Variants in ARRB1 observed in about 807,000 individuals in gnomAD.
ARRB1 encodes arrestin beta 1.
ARRB1 carries 21 observed loss-of-function variants against 56.8 expected under a neutral mutation model. The ratio of observed to expected loss-of-function variants is 0.37; its 90% CI spans 0.26 to 0.53. The LOEUF (loss-of-function observed/expected upper bound fraction) is 0.53. ARRB1 is among the 20% of genes least tolerant of loss of function. The pLI, the probability that ARRB1 is intolerant of heterozygous loss-of-function variation, is 0.88. For synonymous variants in ARRB1, 210 were observed against 218.6 expected (o/e 0.96, Z 0.35); for missense variants, 424 against 553.7 (o/e 0.77, Z 2.35).
rs1946142759 is a variant in ARRB1 at position 75,274,269 on chromosome 11, G to A, written c.777-58C>T. ...CCTCCCCAGAGCCAACCCCAGCCCT[G>A]ATCTCCAGCCCAGCAGAATATCTAG... On this transcript the variant is annotated intron_variant, in intron 10 of 15. Coordinates refer to ENST00000420843, the MANE Select transcript of ARRB1 (RefSeq NM_004041.5). 1.9e-6 allele frequency: 3 copies of A among 1,595,984 alleles called. No individual in the cohort carries two copies. In the South Asian group the frequency reaches 3.4e-5, roughly 18 times the overall value.
intron 1 of ARRB1, among the ~76,000 whole-genome samples, chr11:75,342,757 T>G (rs1332315208): frequency 1.3e-5 from 2 of 152,106 alleles, no homozygotes; most frequent in African/African-American, 4.8e-5. Context: ...GGGGCACCTA[T>G]TTAGGAAGTA....
Position 75,277,421 on chromosome 11 carries a change from C to T in ARRB1, c.646G>A (p.Val216Ile), listed in dbSNP as rs183420061. 54 of 1,614,168 alleles carry T rather than the reference C, an allele frequency of 3.3e-5. No individual in the cohort carries two copies. The highest frequency in any genetic ancestry group is 2.0e-4 in the East Asian group (9 of 44,876). ...GTGTTGTTGGTGACGTGGACGTTGACGCTGATGGGTTCTCCATGGTAATAG... is the reference window on the plus strand; with the variant it reads ...GTGTTGTTGGTGACGTGGACGTTGATGCTGATGGGTTCTCCATGGTAATAG... ...EIYYHGEPIS[V>I]NVHVTNNTNK... is the part of the protein sequence containing the mutation. The change falls in exon 9 of 16, where the codon GTC (valine) becomes ATC (isoleucine). Residue 216 changes from valine (V) to isoleucine (I), a missense_variant. Val to Ile is a conservative substitution (Grantham distance 29, BLOSUM62 3). Transcript: ENST00000420843.
chr11:75,318,805 G>T (rs1248991342), intron 1 of ARRB1, among the ~76,000 whole-genome samples: 1 of 152,184 alleles, frequency 6.6e-6, no homozygotes, highest in Non-Finnish European at 1.5e-5. Context: ...AGGGGATGCT[G>T]ATCCTGTGGC....
intron 1 of ARRB1, among the ~76,000 whole-genome samples, chr11:75,329,791 G>C (rs1565142802): frequency 6.6e-6 from 1 of 152,094 alleles, no homozygotes; most frequent in African/African-American, 2.4e-5. Context: ...CCAAGAGTTT[G>C]AGACCAGCCT....
At chr11:75,343,956 C>T (rs1947730038) in intron 1 of ARRB1, among the ~76,000 whole-genome samples, 2 of 152,116 alleles carry the variant, frequency 1.3e-5, no homozygotes, top group Non-Finnish European at 2.9e-5. Flanking sequence ...GCTGGGACTA[C>T]AGGCGCCCGC....
At chr11:75,278,212 T>C (rs866993903) in intron 8 of ARRB1, among the ~76,000 whole-genome samples, 1 of 152,216 alleles carries the variant, frequency 6.6e-6, no homozygotes, top group Admixed American at 6.5e-5. Context: ...CCCTTCCTTC[T>C]GCAGGGCTTG....
intron 13 of ARRB1, 93 bp from the exon 14 acceptor site, chr11:75,269,052 G>C (rs996271708): frequency 5.1e-5 from 71 of 1,404,080 alleles, no homozygotes; most frequent in Non-Finnish European, 6.0e-5. Flanking sequence ...GACTGCAGAG[G>C]GTTTTGCCGT....
intron 1 of ARRB1, among the ~76,000 whole-genome samples, chr11:75,296,203 A>AAAAAGAGT (rs1462666969): frequency 1.8e-4 from 28 of 151,978 alleles, no homozygotes; most frequent in African/African-American, 5.6e-4. Flanking sequence ...AAAAAAAAAA[A>AAAAAGAGT]AAAAGAGTAT....
rs920509350 is a variant in ARRB1, at chr11:75,262,877, G to C, written c.*3286C>G. 6.6e-5 allele frequency among the ~76,000 whole-genome samples: 10 copies of C among 152,204 alleles called. No homozygotes were observed. The highest frequency in any genetic ancestry group is 2.4e-4 in the African/African-American group (10 of 41,438). On this transcript the variant is annotated 3_prime_UTR_variant, in exon 16 of 16. Coordinates refer to ENST00000420843, the MANE Select transcript of ARRB1 (RefSeq NM_004041.5). ...ACAGCCAGGTGAACCCACTCTAGCA[G>C]GTCTGAGCTTTGAGGCTGAGGAGAG...
At chr11:75,341,719 G>A (rs1947695411) in intron 1 of ARRB1, among the ~76,000 whole-genome samples, 1 of 152,178 alleles carries the variant, frequency 6.6e-6, no homozygotes, top group Admixed American at 6.5e-5. Flanking sequence ...CAGCCCTGGG[G>A]AGGGAGCCCT....
chr11:75,285,763 G>T (rs574086410), intron 3 of ARRB1, among the ~76,000 whole-genome samples: 1 of 152,274 alleles, frequency 6.6e-6, no homozygotes, highest in African/African-American at 2.4e-5. Flanking sequence ...AGCTCTCAGG[G>T]TGCCTGCGTG....
intron 1 of ARRB1, among the ~76,000 whole-genome samples, chr11:75,323,616 G>A (rs564472116): frequency 1.3e-5 from 2 of 152,128 alleles, no homozygotes; most frequent in African/African-American, 2.4e-5. Context: ...GCAAGACTCC[G>A]TCTCAAAACA....
At chr11:75,320,164 A>C (rs1432796867) in intron 1 of ARRB1, among the ~76,000 whole-genome samples, 1 of 152,146 alleles carries the variant, frequency 6.6e-6, no homozygotes, top group Admixed American at 6.5e-5. Context: ...GGATTTGCCT[A>C]CAGACCCTCC....
intron 1 of ARRB1, among the ~76,000 whole-genome samples, chr11:75,323,810 G>A (rs967855237): frequency 9.9e-5 from 15 of 152,082 alleles, no homozygotes; most frequent in Non-Finnish European, 4.4e-5. Flanking sequence ...TGACGGGATA[G>A]CTCCAAAGCT....
intron 1 of ARRB1, among the ~76,000 whole-genome samples, chr11:75,293,342 C>G (rs1374967158): frequency 6.6e-6 from 1 of 152,178 alleles, no homozygotes. Flanking sequence ...CTGCCTGTCT[C>G]CCGAGCCCAT....
chr11:75,279,394 A>G (rs1946277525), intron 7 of ARRB1, among the ~76,000 whole-genome samples: 1 of 152,144 alleles, frequency 6.6e-6, no homozygotes, highest in Admixed American at 6.5e-5. Context: ...GACTGGCTCC[A>G]TGAAGATTAC....
chr11:75,288,019 C>A (rs1327828159), intron 2 of ARRB1, among the ~76,000 whole-genome samples: 1 of 152,124 alleles, frequency 6.6e-6, no homozygotes, highest in South Asian at 2.1e-4. Flanking sequence ...TGCACCACCA[C>A]ACGCAGCTAA....
intron 1 of ARRB1, among the ~76,000 whole-genome samples, chr11:75,324,411 G>A (rs1947396708): frequency 6.6e-6 from 1 of 152,152 alleles, no homozygotes; most frequent in East Asian, 1.9e-4. Context: ...TGAGTCCACA[G>A]CAGCCGCCCT....
At chr11:75,351,360 G>C (rs1274667353) in intron 1 of ARRB1, among the ~76,000 whole-genome samples, 1 of 152,214 alleles carries the variant, frequency 6.6e-6, no homozygotes, top group Non-Finnish European at 1.5e-5. Context: ...CTGTGTGTCC[G>C]GGCCAGGAGC....
Sources: gnomAD v4.1 joint callset for allele counts (sites outside exome capture counted in the v4.1 genomes callset) on GRCh38, gnomAD v4.1.1 for gene constraint, MANE v1.5 for transcripts, NCBI Gene and HGNC (gene_info 2026-07-23, HGNC 2026-07-21) for gene names.